AFG2A: variants seen among roughly 807,000 people sequenced by gnomAD.
AFG2A encodes the protein AAA ATPase AFG2A, also known as ATPase family gene 2 protein homolog A.
chr4:123,000,249 T>A, the AFG2A span, among the ~76,000 whole-genome samples: 122,558 of 147,600 alleles, frequency 0.83, 52,091 homozygotes, highest in East Asian at 0.95. Context: ...GTTGTCTGCA[T>A]ACAGGGACAA....
At chr4:123,087,111 A>T in the AFG2A span, among the ~76,000 whole-genome samples, 1 of 152,168 alleles carries the variant, frequency 6.6e-6, no homozygotes, top group Admixed American at 6.5e-5. Context: ...CTGTCTTCGT[A>T]GGCCTTGTAA....
At chr4:123,297,878 G>A in the AFG2A span, among the ~76,000 whole-genome samples, 1 of 152,096 alleles carries the variant, frequency 6.6e-6, no homozygotes, top group African/African-American at 2.4e-5. Context: ...TGCCAAGACA[G>A]AAAGAAGAGA....
chr4:123,264,655 C>G, the AFG2A span, among the ~76,000 whole-genome samples: 1 of 152,108 alleles, frequency 6.6e-6, no homozygotes, highest in East Asian at 1.9e-4. Flanking sequence ...TAGTCCTGTA[C>G]CACTCCCCTT....
the AFG2A span, among the ~76,000 whole-genome samples, chr4:123,093,015 C>T: frequency 7.9e-4 from 120 of 152,240 alleles, no homozygotes; most frequent in African/African-American, 2.7e-3. Flanking sequence ...ATTAAGGATC[C>T]TGCAAAAGCC....
the AFG2A span, among the ~76,000 whole-genome samples, chr4:123,147,783 A>G: frequency 2.6e-5 from 4 of 152,208 alleles, no homozygotes; most frequent in East Asian, 5.8e-4. Flanking sequence ...CGAACTTTCT[A>G]TAACCTTAAT....
the AFG2A span, among the ~76,000 whole-genome samples, chr4:123,013,890 G>GA: frequency 6.6e-6 from 1 of 152,020 alleles, no homozygotes; most frequent in Non-Finnish European, 1.5e-5. Context: ...CACACATATA[G>GA]AAAAAATAGT....
the AFG2A span, among the ~76,000 whole-genome samples, chr4:122,945,477 C>T: frequency 2.0e-5 from 3 of 152,234 alleles, no homozygotes; most frequent in African/African-American, 7.2e-5. Flanking sequence ...CCTGGTGCAC[C>T]GTTTCCTAAG....
chr4:122,964,730 A>G, the AFG2A span, among the ~76,000 whole-genome samples: 1 of 152,290 alleles, frequency 6.6e-6, no homozygotes, highest in African/African-American at 2.4e-5. Context: ...TTTGAAAGTG[A>G]TAGAGGGTTT....
At chr4:123,238,826 G>A in the AFG2A span, among the ~76,000 whole-genome samples, 5 of 152,318 alleles carry the variant, frequency 3.3e-5, no homozygotes, top group East Asian at 9.7e-4. Context: ...AAGCTGGATG[G>A]AGAATGACTT....
At chr4:123,163,267 C>T in the AFG2A span, among the ~76,000 whole-genome samples, 6 of 152,130 alleles carry the variant, frequency 3.9e-5, no homozygotes, top group African/African-American at 9.7e-5. Context: ...AACCCCGTCT[C>T]TACTAAAAAT....
At chr4:123,070,550 G>A in the AFG2A span, among the ~76,000 whole-genome samples, 2 of 152,146 alleles carry the variant, frequency 1.3e-5, no homozygotes, top group Non-Finnish European at 2.9e-5. Context: ...GTGTCCTCAC[G>A]TAGTGAAAGG....
the AFG2A span, among the ~76,000 whole-genome samples, chr4:123,008,480 T>C: frequency 1.3e-5 from 2 of 152,230 alleles, no homozygotes; most frequent in South Asian, 4.1e-4. Context: ...GTTACCTTTT[T>C]TACTTTATGA....
the AFG2A span, among the ~76,000 whole-genome samples, chr4:123,171,953 T>C: frequency 6.6e-6 from 1 of 152,200 alleles, no homozygotes. Flanking sequence ...TTATGCTATT[T>C]AATATAATAA....
the AFG2A span, among the ~76,000 whole-genome samples, chr4:123,092,568 CA>C: frequency 0.027 from 4,130 of 152,298 alleles, 79 homozygotes; most frequent in Non-Finnish European, 0.035. Flanking sequence ...CAAATTACCA[CA>C]AATTTAGCAG....
the AFG2A span, among the ~76,000 whole-genome samples, chr4:123,019,532 A>G: frequency 1.3e-5 from 2 of 152,184 alleles, no homozygotes; most frequent in Non-Finnish European, 2.9e-5. Context: ...TATACTTCTT[A>G]TATCTGCTAT....
chr4:123,023,738 C>T, the AFG2A span, among the ~76,000 whole-genome samples: 4 of 152,014 alleles, frequency 2.6e-5, no homozygotes, highest in Non-Finnish European at 4.4e-5. Context: ...ACACGGGCTC[C>T]GAGCAAGATG....
At chr4:123,031,835 T>C in the AFG2A span, among the ~76,000 whole-genome samples, 1 of 152,244 alleles carries the variant, frequency 6.6e-6, no homozygotes, top group Admixed American at 6.5e-5. Flanking sequence ...AGATACGTAC[T>C]GTACTCAGGG....
chr4:122,924,887 T>G, the AFG2A span, among the ~76,000 whole-genome samples: 15 of 152,158 alleles, frequency 9.9e-5, no homozygotes, highest in Non-Finnish European at 1.9e-4. Context: ...TAAACAGATG[T>G]GAAATTACTC....
the AFG2A span, among the ~76,000 whole-genome samples, chr4:123,253,858 A>C: frequency 2.0e-5 from 3 of 152,124 alleles, no homozygotes; most frequent in Non-Finnish European, 4.4e-5. Flanking sequence ...TAGTTGCTCC[A>C]TGTCCTTGAT....
Sources: allele counts gnomAD v4.1 joint callset (sites outside exome capture counted in the v4.1 genomes callset), GRCh38; gene constraint gnomAD v4.1.1; transcripts MANE v1.5; gene names NCBI Gene and HGNC (gene_info 2026-07-23, HGNC 2026-07-21).